The following PRICKLE1 variants were observed in gnomAD, a reference collection of about 807,000 sequenced individuals.
The protein encoded by PRICKLE1 is prickle-like protein 1.
PRICKLE1 carries 14 observed loss-of-function variants against 70.2 expected under a neutral mutation model. That is an observed-to-expected ratio of 0.20 (90% CI 0.13 to 0.31). PRICKLE1 has a LOEUF of 0.31. Ranked by LOEUF, PRICKLE1 falls within the 10% of genes least tolerant of loss-of-function variation. PRICKLE1 has a pLI of 1.00. For synonymous variants in PRICKLE1, 357 were observed against 379.9 expected (o/e 0.94, Z 0.70); for missense variants, 821 against 1,026.2 (o/e 0.80, Z 2.73).
chr12:42,458,756 C>G lies in PRICKLE1; in HGVS notation c.*1053G>C, dbSNP rs1194969186. 7 of 152,322 alleles carry G rather than the reference C, an allele frequency of 4.6e-5. No individual in the cohort carries two copies. In the East Asian group the frequency reaches 1.3e-3, roughly 29 times the overall value. The allele number at this position is 152,322 out of a possible 1,614,324, so 9.4% of individuals were successfully genotyped here. A position where few individuals can be genotyped will look rare whatever the true frequency, so the allele number is the denominator to read the frequency against. ...CACCTTGCTGAAAATGAGAAAGGCA[C>G]CCCCCGCAGGCAGGGGGAAAAAACC... On this transcript the variant is annotated 3_prime_UTR_variant, in exon 8 of 8. Coordinates refer to ENST00000345127, the MANE Select transcript of PRICKLE1 (RefSeq NM_153026.3).
intron 1 of PRICKLE1, among the ~76,000 whole-genome samples, chr12:42,498,743 C>T (rs1018710972): frequency 3.3e-5 from 5 of 152,234 alleles, no homozygotes; most frequent in Non-Finnish European, 2.9e-5. Flanking sequence ...CTGTCTCCAT[C>T]ATTAGTCAGA....
In PRICKLE1 at chr12:42,546,360, G is replaced by A. The variant is rs532339803; in HGVS notation, c.-49+43105C>T. ...TAGTGGACATAAACAAAAATTAAGT[G>A]AAAACAGATTCACACAATGGAAGGA... On this transcript the variant is annotated intron_variant, in intron 1 of 7. Transcript: ENST00000345127. Among the ~76,000 whole-genome samples, 3 of 152,286 alleles carry A rather than the reference G, an allele frequency of 2.0e-5. No homozygotes were observed. The East Asian group carries it at 5.8e-4, about 29-fold the overall frequency.
rs1937651918 is a variant in PRICKLE1 at position 42,458,289 on chromosome 12, C to T, written c.*1520G>A. The stretch of plus-strand genomic sequence containing the variant: ...AGGGCAACTGCAAAATAAATCATGC[C>T]TGAACACAGGCACAAAATGGAAGTT... On this transcript the variant is annotated 3_prime_UTR_variant, in exon 8 of 8. Coordinates refer to ENST00000345127, the MANE Select transcript of PRICKLE1 (RefSeq NM_153026.3). 1 of 152,294 alleles carries T rather than the reference C, an allele frequency of 6.6e-6. No individual in the cohort carries two copies. Among genetic ancestry groups the T allele is most frequent in the Non-Finnish European group, 1.5e-5 (1 of 68,026 alleles). The allele number at this position is 152,294 out of a possible 1,614,324, so 9.4% of individuals were successfully genotyped here. A position where few individuals can be genotyped will look rare whatever the true frequency, so the allele number is the denominator to read the frequency against.
At chr12:42,521,102 C>T (rs529252791) in intron 1 of PRICKLE1, among the ~76,000 whole-genome samples, 7 of 152,062 alleles carry the variant, frequency 4.6e-5, no homozygotes, top group East Asian at 1.9e-4. Flanking sequence ...ACCTGGGAGG[C>T]GGAGGTTGCA....
intron 1 of PRICKLE1, among the ~76,000 whole-genome samples, chr12:42,546,522 G>A (rs1214297900): frequency 6.6e-6 from 1 of 152,188 alleles, no homozygotes; most frequent in African/African-American, 2.4e-5. Flanking sequence ...GGGAGGCTGA[G>A]GTGGGAGGAT....
intron 1 of PRICKLE1, among the ~76,000 whole-genome samples, chr12:42,505,513 G>A (rs1939393364): frequency 6.6e-6 from 1 of 151,896 alleles, no homozygotes; most frequent in African/African-American, 2.4e-5. Context: ...TCGGCTCACT[G>A]CAACCTCTGC....
intron 1 of PRICKLE1, among the ~76,000 whole-genome samples, chr12:42,494,491 C>CT (rs1939159278): frequency 6.6e-6 from 1 of 152,136 alleles, no homozygotes; most frequent in Admixed American, 6.6e-5. Context: ...CAAGAAACCA[C>CT]TTTCTTTGCT....
intron 1 of PRICKLE1, among the ~76,000 whole-genome samples, chr12:42,510,607 T>C (rs1397124793): frequency 6.6e-6 from 1 of 152,196 alleles, no homozygotes; most frequent in African/African-American, 2.4e-5. Context: ...GGTTTTTAAT[T>C]GGCTTTCATT....
In PRICKLE1 at chr12:42,460,110, C is replaced by T; in HGVS notation, c.2195G>A (p.Gly732Glu). 6.2e-7 allele frequency: 1 copy of T among 1,614,070 alleles called. No individual in the cohort carries two copies. Among genetic ancestry groups the T allele is most frequent in the Non-Finnish European group, 8.5e-7 (1 of 1,180,040 alleles). The change falls in exon 8 of 8, where the codon GGA (glycine) becomes GAA (glutamate). Residue 732 changes from glycine to glutamate, a missense_variant. Coordinates refer to ENST00000345127, the MANE Select transcript of PRICKLE1 (RefSeq NM_153026.3). ...ATCGGAAGTGGCATGGGCGTACTGT[C>T]CGTAGAGATCAGCATTCTGGATGTA... ...QAYIQNADLY[G>E]QYAHATSDYG... is the part of the protein sequence containing the mutation.
At chr12:42,479,539 A>C (rs750480898) in intron 1 of PRICKLE1, among the ~76,000 whole-genome samples, 20 of 152,258 alleles carry the variant, frequency 1.3e-4, no homozygotes, top group Non-Finnish European at 1.9e-4. Context: ...TGTGAAATTT[A>C]CTTTCTAGGT....
In PRICKLE1 at chr12:42,525,740, C is replaced by A. The variant is rs1346945523; in HGVS notation, c.-48-53176G>T. On this transcript the variant is annotated intron_variant, in intron 1 of 7. Transcript: ENST00000345127. ...TGCTTTTTTTTTTTTTTCCCTACAT[C>A]CTCAGACTAGTTATGTCATCTTTCT... Among the ~76,000 whole-genome samples, 15 of 149,846 alleles carry A rather than the reference C, an allele frequency of 1.0e-4. No individual in the cohort carries two copies. In the East Asian group the frequency reaches 2.0e-3, roughly 20 times the overall value.
In PRICKLE1 at chr12:42,538,298, G is replaced by A. The variant is rs573424371; in HGVS notation, c.-49+51167C>T. On this transcript the variant is annotated intron_variant, in intron 1 of 7. Coordinates refer to ENST00000345127, the MANE Select transcript of PRICKLE1 (RefSeq NM_153026.3). ...CTATCAAGTTGCTCAACAGCTAGTA[G>A]CTTCATACTAGGCAGCAAAAAAAAA... 2.6e-5 allele frequency among the ~76,000 whole-genome samples: 4 copies of A among 152,248 alleles called. No individual in the cohort carries two copies. The South Asian group carries it at 8.3e-4, about 32-fold the overall frequency.
chr12:42,500,764 A>T (rs1274255456), intron 1 of PRICKLE1, among the ~76,000 whole-genome samples: 1 of 152,062 alleles, frequency 6.6e-6, no homozygotes, highest in Non-Finnish European at 1.5e-5. Context: ...TTCTAACAAT[A>T]TGTCCCCAAA....
chr12:42,531,481 C>A (rs1164462234), intron 1 of PRICKLE1, among the ~76,000 whole-genome samples: 1 of 152,200 alleles, frequency 6.6e-6, no homozygotes, highest in African/African-American at 2.4e-5. Flanking sequence ...ACCTTTCCTC[C>A]ATCGTAGTAT....
chr12:42,587,714 CCAAGGCTAGGACCA>C (rs1941006184), intron 1 of PRICKLE1, among the ~76,000 whole-genome samples: 2 of 152,214 alleles, frequency 1.3e-5, no homozygotes, highest in South Asian at 4.1e-4. Context: ...AGCCTAGCCA[CCAAGGCTAGGACCA>C]CATTGGAGGC....
chr12:42,473,741 C>T (rs1938412506), intron 1 of PRICKLE1, among the ~76,000 whole-genome samples: 1 of 151,990 alleles, frequency 6.6e-6, no homozygotes, highest in African/African-American at 2.4e-5. Context: ...TGGCTAAAAG[C>T]CAGAGTCTAG....
At chr12:42,583,672 G>A (rs567968949) in intron 1 of PRICKLE1, among the ~76,000 whole-genome samples, 2 of 152,100 alleles carry the variant, frequency 1.3e-5, no homozygotes, top group Non-Finnish European at 2.9e-5. Context: ...TACAAATTTG[G>A]GTTATACAGT....
chr12:42,528,505 C>A (rs533338801), intron 1 of PRICKLE1, among the ~76,000 whole-genome samples: 2 of 152,064 alleles, frequency 1.3e-5, no homozygotes, highest in Non-Finnish European at 2.9e-5. Context: ...TAAAAACAAC[C>A]TAAAAATTAC....
chr12:42,501,473 G>GCACTCCA (rs1398016954), intron 1 of PRICKLE1, among the ~76,000 whole-genome samples: 1 of 127,330 alleles, frequency 7.9e-6, no homozygotes, highest in African/African-American at 3.0e-5. Context: ...TCGTGCCACT[G>GCACTCCA]CACTCCAGCC....
Sources: allele counts gnomAD v4.1 joint callset (sites outside exome capture counted in the v4.1 genomes callset), GRCh38; gene constraint gnomAD v4.1.1; transcripts MANE v1.5; gene names NCBI Gene and HGNC (gene_info 2026-07-23, HGNC 2026-07-21).